The following TTC6 variants were observed in gnomAD, a reference collection of about 807,000 sequenced individuals.
TTC6 encodes the protein tetratricopeptide repeat protein 6.
TTC6 carries 172 observed loss-of-function variants against 210.4 expected under a neutral mutation model. The ratio of observed to expected loss-of-function variants is 0.82; its 90% CI spans 0.72 to 0.93. The LOEUF is 0.93. Among genes scored for constraint, TTC6 ranks in the 40% least tolerant of loss-of-function variants. The probability of loss-of-function intolerance (pLI) is 0.00; values close to 1 mark genes in which losing one functional copy is unlikely to be tolerated. For synonymous variants in TTC6, 804 were observed against 819.6 expected, an observed-to-expected ratio of 0.98 and a Z score of 0.32; for missense variants, 2,414 against 2,318.1, an observed-to-expected ratio of 1.04 and a Z score of -0.85.
intron 25 of TTC6, among the ~76,000 whole-genome samples, chr14:37,814,770 A>G (rs1183846489): frequency 2.6e-5 from 4 of 152,320 alleles, no homozygotes; most frequent in Admixed American, 1.3e-4. Context: ...AAACAACTAA[A>G]AAAAGATGTG....
exon 1 of TTC6, chr14:37,622,236 G>T: frequency 6.5e-7 from 1 of 1,535,264 alleles, no homozygotes; most frequent in Non-Finnish European, 8.7e-7. Flanking sequence ...CCATGCCCCC[G>T]GCCCGGCCCG....
intron 10 of TTC6, among the ~76,000 whole-genome samples, chr14:37,745,583 A>G (rs1221415432): frequency 2.0e-5 from 3 of 152,164 alleles, no homozygotes. Context: ...GACTAGGGAA[A>G]TTATCAAAAA....
At chr14:37,606,081 A>G (rs11627844) in intron 1 of TTC6, among the ~76,000 whole-genome samples, 108,831 of 151,854 alleles carry the variant, frequency 0.72, 39,113 homozygotes, top group East Asian at 0.87. Flanking sequence ...GGGATCTGGA[A>G]GGAAGCTTGG....
Position 37,598,583 on chromosome 14 carries a change from G to A in TTC6, c.-235+2575G>A, listed in dbSNP as rs1026503508. ...ACTTCCCAGCAGGATCTGGCTGGGA[G>A]CCCCTTCCTCAGATATTCACCAGGC... On this transcript the variant is annotated intron_variant, in intron 1 of 2. Transcript: ENST00000556845. This position sits in a 1 kb window ranked among gnomAD's most constrained non-coding sequence, Gnocchi z 4.9. Among the ~76,000 whole-genome samples, 17 of 152,196 alleles carry A rather than the reference G, an allele frequency of 1.1e-4. No homozygotes were observed. The highest frequency in any genetic ancestry group is 3.9e-4 in the African/African-American group (16 of 41,466).
chr14:37,830,171 C>T (rs1350087506), intron 29 of TTC6, among the ~76,000 whole-genome samples: 3 of 152,012 alleles, frequency 2.0e-5, no homozygotes, highest in African/African-American at 7.2e-5. Context: ...CTTGTAAGTG[C>T]TGCTTTCTTT....
rs1027275153 is a variant in TTC6 at position 37,777,617 on chromosome 14, G to T, written c.3267-9851G>T. On this transcript the variant is annotated intron_variant, in intron 14 of 30. Coordinates refer to ENST00000553443, the Ensembl canonical transcript of TTC6. ...TGTTTCTGTGATTTCAGCCATTTCA[G>T]CCTGGTTAAGAGCCATTGCTGCGGA... 2.0e-5 allele frequency among the ~76,000 whole-genome samples: 3 copies of T among 152,154 alleles called. No homozygotes were observed. The East Asian group carries it at 5.8e-4, about 29-fold the overall frequency.
chr14:37,835,776 T>A (rs1368376641), intron 29 of TTC6, among the ~76,000 whole-genome samples: 4 of 152,116 alleles, frequency 2.6e-5, no homozygotes, highest in African/African-American at 4.8e-5. Flanking sequence ...TCATTTGAGG[T>A]TTGTAGTTTT....
rs192781110 is a variant in TTC6 at position 37,784,080 on chromosome 14, T to C, written c.3267-3388T>C. Among the ~76,000 whole-genome samples, 427 of 152,334 alleles carry C rather than the reference T, an allele frequency of 2.8e-3. 4 individuals carry two copies. Among genetic ancestry groups the C allele is most frequent in the African/African-American group, 9.2e-3 (381 of 41,582 alleles). The stretch of plus-strand genomic sequence containing the variant: ...GTGGTCAATTTTGGAATAAGTCCGA[T>C]GTGGTGCTGAGAAGAATGTATATTC... On this transcript the variant is annotated intron_variant, in intron 14 of 30. Transcript: ENST00000553443.
intron 14 of TTC6, among the ~76,000 whole-genome samples, chr14:37,754,839 G>A (rs140746381): frequency 4.6e-4 from 70 of 152,206 alleles, no homozygotes; most frequent in Non-Finnish European, 7.9e-4. Context: ...CCAAGTCTTT[G>A]CTATTGTAAA....
exon 31 of TTC6, chr14:37,842,373 A>G: frequency 7.8e-7 from 1 of 1,278,424 alleles, no homozygotes; most frequent in Non-Finnish European, 1.0e-6. Flanking sequence ...AAAAGGTTCT[A>G]CCATTTTCAT....
At chr14:37,608,965 G>T (rs1180871809) in intron 2 of TTC6, among the ~76,000 whole-genome samples, 1 of 152,164 alleles carries the variant, frequency 6.6e-6, no homozygotes, top group Non-Finnish European at 1.5e-5. Context: ...ATTTTATGCT[G>T]CTCGTTTGAG....
chr14:37,687,745 G>A (rs1281977167), intron 3 of TTC6, among the ~76,000 whole-genome samples: 1 of 152,092 alleles, frequency 6.6e-6, no homozygotes, highest in African/African-American at 2.4e-5. Flanking sequence ...CCCAGTTGTG[G>A]TAAGATTCAT....
chr14:37,839,140 A>G (rs1379297724), intron 29 of TTC6, among the ~76,000 whole-genome samples: 1 of 152,180 alleles, frequency 6.6e-6, no homozygotes, highest in East Asian at 1.9e-4. Flanking sequence ...AGAATGATTT[A>G]TAATCCTTTG....
At position 37,683,712 on chromosome 14, in the gene TTC6, A is replaced by T. The variant is rs546547842; in HGVS notation, c.1257+748A>T. 1.6e-3 allele frequency among the ~76,000 whole-genome samples: 247 copies of T among 151,978 alleles called. 2 individuals carry two copies. Among genetic ancestry groups the T allele is most frequent in the African/African-American group, 5.6e-3 (234 of 41,458 alleles). ...ATATGTATGTATGGGAAAGAGCATA[A>T]TGTATATAAGGTTCAGTACTATCCA... On this transcript the variant is annotated intron_variant, in intron 3 of 30. Transcript: ENST00000553443.
intron 25 of TTC6, among the ~76,000 whole-genome samples, chr14:37,816,410 C>T (rs17107148): frequency 2.0e-5 from 3 of 152,052 alleles, no homozygotes; most frequent in Admixed American, 6.6e-5. Context: ...TTGATTAGCT[C>T]TTTTCTGGCT....
chr14:37,783,350 T>C (rs1171284089), intron 14 of TTC6, among the ~76,000 whole-genome samples: 2 of 152,172 alleles, frequency 1.3e-5, no homozygotes, highest in African/African-American at 4.8e-5. Context: ...CTTCCTGGTT[T>C]AGTCTTGGGA....
In TTC6 at chr14:37,622,471, C is replaced by T. The variant is rs1226040666; in HGVS notation, c.407C>T (p.Pro136Leu). ...CTACGGCACCAGGCCCTGAAAAAGC[C>T]CCCAGTCATCGCCTCGGGGTTCGGC... The change falls in exon 1 of 31, where the codon CCC becomes CTC. Residue 136 changes from proline (P) to leucine (L), a missense_variant. Transcript: ENST00000553443. 3 of 1,535,242 alleles carry T rather than the reference C, an allele frequency of 2.0e-6. No homozygotes were observed. In the East Asian group the frequency reaches 7.4e-5, roughly 38 times the overall value.
At chr14:37,686,631 C>T (rs2095794374) in intron 3 of TTC6, among the ~76,000 whole-genome samples, 1 of 152,104 alleles carries the variant, frequency 6.6e-6, no homozygotes, top group African/African-American at 2.4e-5. Flanking sequence ...GCTGGGGAGA[C>T]CTCACAATCA....
intron 23 of TTC6, among the ~76,000 whole-genome samples, chr14:37,807,811 A>G (rs2096121881): frequency 6.6e-6 from 1 of 152,010 alleles, no homozygotes; most frequent in Non-Finnish European, 1.5e-5. Context: ...TCAGTCTTTT[A>G]TTTTCCTCAT....
Sources: gnomAD v4.1 joint callset for allele counts (sites outside exome capture counted in the v4.1 genomes callset) on GRCh38, gnomAD v4.1.1 for gene constraint, Gnocchi (gnomAD v3.1) non-coding constraint, MANE v1.5 for transcripts, NCBI Gene and HGNC (gene_info 2026-07-23, HGNC 2026-07-21) for gene names.